Variants in DENND6B observed in about 807,000 individuals in gnomAD.
The protein encoded by DENND6B is protein DENND6B.
DENND6B carries 73 observed loss-of-function variants against 85.1 expected under a neutral mutation model. That is an observed-to-expected ratio of 0.86 (90% confidence interval 0.71 to 1.04). DENND6B has a LOEUF of 1.04. DENND6B is among the 50% of genes least tolerant of loss of function. The pLI is 0.00. For synonymous variants in DENND6B, 357 were observed against 329.3 expected, an observed-to-expected ratio of 1.08 and a Z score of -0.91; for missense variants, 715 against 785.8, an observed-to-expected ratio of 0.91 and a Z score of 1.08.
At position 50,313,434 on chromosome 22, in the gene DENND6B, C is replaced by T. The variant is rs780939495; in HGVS notation, c.1347+12G>A. The stretch of plus-strand genomic sequence containing the variant: ...CTCCATGGACCCCACAAAACCCCCA[C>T]AGGACCCCCACCTTCCAGGGCGTGA... On this transcript the variant is annotated intron_variant, in intron 16 of 19. Transcript: ENST00000413817. The T allele has an allele frequency of 2.1e-5, 33 of 1,538,054 alleles. No individual in the cohort carries two copies. The highest frequency in any genetic ancestry group is 2.5e-5 in the Non-Finnish European group (28 of 1,142,848).
intron 4 of DENND6B, 113 bp downstream of exon 4, chr22:50,317,795 T>C: frequency 9.0e-7 from 1 of 1,114,686 alleles, no homozygotes; most frequent in Admixed American, 2.7e-5. Context: ...CCAGCTCCTC[T>C]CCTGCCACAC....
chr22:50,320,432 G>A (rs1447030663), intron 1 of DENND6B, among the ~76,000 whole-genome samples: 1 of 152,228 alleles, frequency 6.6e-6, no homozygotes, highest in African/African-American at 2.4e-5. Flanking sequence ...TTGCTACCAT[G>A]GTCCTGCTTT....
chr22:50,314,344 C>T (rs2041708435), intron 12 of DENND6B, 56 bp downstream of exon 12: 5 of 1,580,960 alleles, frequency 3.2e-6, no homozygotes, highest in Middle Eastern at 1.7e-4. Flanking sequence ...CTGAGGCGGC[C>T]CCACACTCAA....
chr22:50,316,324 A>G, intron 6 of DENND6B, 46 bp downstream of exon 6: 6 of 1,562,212 alleles, frequency 3.8e-6, no homozygotes, highest in Non-Finnish European at 2.6e-6. Flanking sequence ...CAGGGGCCAC[A>G]GCTGGGATGA....
At chr22:50,317,106 A>C in intron 5 of DENND6B, 187 bp downstream of exon 5, 1 of 316,436 alleles carries the variant, frequency 3.2e-6, no homozygotes, top group East Asian at 5.8e-5. Context: ...GGTGGCGAGG[A>C]CAGGGTGGGG....
chr22:50,312,991 C>A lies in DENND6B; in HGVS notation c.1457+8G>T. 6.4e-7 allele frequency: 1 copy of A among 1,551,176 alleles called. No homozygotes were observed. Among genetic ancestry groups the A allele is most frequent in the African/African-American group, 1.4e-5 (1 of 73,172 alleles). ...GGCTCAAGCTGCCTGCACCTGCAGT[C>A]CACGCACCTGTAGAGACCCAGCCAG... On this transcript the variant is annotated splice_region_variant and intron_variant, in intron 17 of 19. Coordinates refer to ENST00000413817, the MANE Select transcript of DENND6B (RefSeq NM_001001794.4).
In DENND6B at chr22:50,326,834, A is replaced by T; in HGVS notation, c.155T>A (p.Leu52Gln). Residue 52 changes from leucine (L) to glutamine (Q), a missense_variant, in exon 1 of 20, where the codon CTG becomes CAG. Transcript: ENST00000413817. ...CACCTCCAGCGCCTGGCCCAGCTCCAGGTCGAAGGTGACCACGCACACACA... is the reference window on the plus strand; with the variant it reads ...CACCTCCAGCGCCTGGCCCAGCTCCTGGTCGAAGGTGACCACGCACACACA... ...LECVCVVTFDLELGQALELVY... is the reference protein window; with the variant it reads ...LECVCVVTFDQELGQALELVY... 7.0e-7 allele frequency: 1 copy of T among 1,435,166 alleles called. No individual in the cohort carries two copies. The highest frequency in any genetic ancestry group is 9.1e-7 in the Non-Finnish European group (1 of 1,099,122). 88.9% of individuals were successfully genotyped at this position (1,435,166 alleles called of 1,614,324 possible).
Position 50,312,431 on chromosome 22 carries a change from C to G in DENND6B, c.1561-14G>C. The G allele has an allele frequency of 1.9e-6, 3 of 1,608,176 alleles. No homozygotes were observed. The highest frequency in any genetic ancestry group is 2.5e-6 in the Non-Finnish European group (3 of 1,177,750). On this transcript the variant is annotated splice_polypyrimidine_tract_variant and intron_variant, in intron 18 of 19. Transcript: ENST00000413817. ...GGTCTCGATGTTCTGCAGGGCAAGACGGGGTCTACTGTCAGCAAGGCCCCT... is the reference window on the plus strand; with the variant it reads ...GGTCTCGATGTTCTGCAGGGCAAGAGGGGGTCTACTGTCAGCAAGGCCCCT...
chr22:50,322,369 CG>C (rs987780074), intron 1 of DENND6B, among the ~76,000 whole-genome samples: 6 of 152,064 alleles, frequency 3.9e-5, no homozygotes, highest in African/African-American at 1.4e-4. Flanking sequence ...CCACCGTGCC[CG>C]GCCAATAATT....
intron 5 of DENND6B, 66 bp from the exon 6 acceptor site, chr22:50,316,541 CG>C (rs2041825383): frequency 6.5e-7 from 1 of 1,548,010 alleles, no homozygotes; most frequent in Admixed American, 2.0e-5. Flanking sequence ...CAGGAGCCCA[CG>C]GGGACCACCG....
intron 9 of DENND6B, chr22:50,315,227 G>A: frequency 2.4e-6 from 1 of 420,622 alleles, no homozygotes; most frequent in Non-Finnish European, 4.4e-6. Flanking sequence ...GGGCTGGGGG[G>A]TACCCGCCCA....
At chr22:50,317,070 G>T (rs1327821959) in intron 5 of DENND6B, 7 of 298,502 alleles carry the variant, frequency 2.3e-5, no homozygotes, top group East Asian at 8.1e-5. Context: ...ACAGGGTGGG[G>T]GGGGGCGGCG....
Position 50,317,884 on chromosome 22 carries a change from C to T in DENND6B, c.372+24G>A, listed in dbSNP as rs765319466. 7 of 1,592,526 alleles carry T rather than the reference C, an allele frequency of 4.4e-6. No homozygotes were observed. The South Asian group carries it at 7.8e-5, about 18-fold the overall frequency. On this transcript the variant is annotated intron_variant, in intron 4 of 19. Coordinates refer to ENST00000413817, the MANE Select transcript of DENND6B (RefSeq NM_001001794.4). ...CCTTGGGGAGCAGGGGAGAAGCAGG[C>T]CAGAGACGCAGCCCAGTGCTCACCT... is the stretch of plus-strand genomic sequence containing the variant.
chr22:50,313,102 G>C lies in DENND6B; in HGVS notation c.1354C>G (p.Pro452Ala), dbSNP rs2058677567. The C allele has an allele frequency of 6.4e-7, 1 of 1,554,114 alleles. No homozygotes were observed. Among genetic ancestry groups the C allele is most frequent in the African/African-American group, 1.4e-5 (1 of 73,332 alleles). The change falls in exon 17 of 20, where the codon CCC (proline) becomes GCC (alanine). Residue 452 changes from proline (P) to alanine (A), a missense_variant. Pro to Ala is a conservative substitution (Grantham distance 27, BLOSUM62 -1). Transcript: ENST00000413817. Reference protein sequence around the residue: ...QKSITPWKTPPQIQPFSQDDF... With the variant: ...QKSITPWKTPAQIQPFSQDDF... ...TCCTGGCTGAAGGGCTGGATCTGGG[G>C]GGGAGTCTGAGAGGGGATGGGTGAG...
chr22:50,315,585 T>C, intron 9 of DENND6B, 129 bp downstream of exon 9: 1 of 1,139,436 alleles, frequency 8.8e-7, no homozygotes. Flanking sequence ...CACACACACG[T>C]GCACACGTGC....
intron 16 of DENND6B, 134 bp downstream of exon 16, chr22:50,313,312 T>G: frequency 1.5e-6 from 2 of 1,306,414 alleles, no homozygotes; most frequent in Non-Finnish European, 2.1e-6. Context: ...TGGCCCCCAG[T>G]TTCACAAACA....
chr22:50,315,883 A>ACACACAGC (rs2041795966), intron 8 of DENND6B, 114 bp from the exon 9 acceptor site: 1 of 1,510,626 alleles, frequency 6.6e-7, no homozygotes, highest in African/African-American at 1.4e-5. Context: ...CCCTACACCA[A>ACACACAGC]CACACAGCCT....
chr22:50,314,551 G>C (rs2041720626), intron 11 of DENND6B, 54 bp downstream of exon 11: 4 of 1,554,092 alleles, frequency 2.6e-6, no homozygotes, highest in Non-Finnish European at 3.5e-6. Context: ...GGTGCAGGAA[G>C]GGCGAGAGGC....
At chr22:50,323,428 T>A (rs2042111090) in intron 1 of DENND6B, among the ~76,000 whole-genome samples, 3 of 151,780 alleles carry the variant, frequency 2.0e-5, no homozygotes, top group African/African-American at 7.3e-5. Flanking sequence ...TAGCTGGGAT[T>A]ACAGGCATAC....
Sources: gnomAD v4.1 joint callset for allele counts (sites outside exome capture counted in the v4.1 genomes callset) on GRCh38, gnomAD v4.1.1 for gene constraint, MANE v1.5 for transcripts, NCBI Gene and HGNC (gene_info 2026-07-23, HGNC 2026-07-21) for gene names.